Variants in DLG2 observed in about 807,000 individuals in gnomAD.
The protein encoded by DLG2 is disks large homolog 2.
Under a neutral mutation model 132.5 loss-of-function variants are expected in DLG2, and 45 were observed. The ratio of observed to expected loss-of-function variants is 0.34; its 90% CI spans 0.27 to 0.44. DLG2 has a LOEUF of 0.44. DLG2 is among the 20% of genes least tolerant of loss of function. The pLI is 1.00. For synonymous variants in DLG2, 424 were observed against 419.6 expected (o/e 1.01, Z -0.13); for missense variants, 1,045 against 1,196.9 (o/e 0.87, Z 1.87).
chr11:84,756,979 A>G (rs779999356), intron 6 of DLG2, among the ~76,000 whole-genome samples: 4 of 152,224 alleles, frequency 2.6e-5, no homozygotes, highest in Admixed American at 6.5e-5. Flanking sequence ...TACCAGAATC[A>G]TAATTCCTGG....
chr11:85,566,899 A>G (rs1168586635), intron 3 of DLG2, among the ~76,000 whole-genome samples: 1 of 152,128 alleles, frequency 6.6e-6, no homozygotes, highest in Non-Finnish European at 1.5e-5. Flanking sequence ...AGCTAGCTAT[A>G]TGTCCTGGTA....
intron 11 of DLG2, among the ~76,000 whole-genome samples, chr11:84,024,805 A>G (rs952814411): frequency 5.9e-5 from 9 of 151,282 alleles, no homozygotes; most frequent in Non-Finnish European, 1.2e-4. Flanking sequence ...CAGGGGGAAT[A>G]TATTTTTTCT....
At chr11:83,992,444 G>A (rs551260175) in intron 11 of DLG2, among the ~76,000 whole-genome samples, 8 of 152,204 alleles carry the variant, frequency 5.3e-5, no homozygotes, top group Non-Finnish European at 8.8e-5. Context: ...CTGAGACCTG[G>A]AAGATAACAA....
At chr11:84,053,084 TA>T (rs1323627452) in intron 11 of DLG2, among the ~76,000 whole-genome samples, 4 of 151,866 alleles carry the variant, frequency 2.6e-5, no homozygotes, top group African/African-American at 9.7e-5. Context: ...TATGCAGCCA[TA>T]AAAAAGGAAG....
intron 4 of DLG2, among the ~76,000 whole-genome samples, chr11:85,197,386 A>G (rs1259211059): frequency 6.6e-6 from 1 of 152,182 alleles, no homozygotes; most frequent in African/African-American, 2.4e-5. Flanking sequence ...AACTTTGCAT[A>G]AAATGTTAAA....
intron 18 of DLG2, among the ~76,000 whole-genome samples, chr11:83,742,313 G>C (rs72954550): frequency 0.22 from 33,232 of 148,476 alleles, 5,902 homozygotes; most frequent in African/African-American, 0.52. Context: ...CTATGTATAT[G>C]AAATATCAAA....
intron 7 of DLG2, among the ~76,000 whole-genome samples, chr11:84,301,454 G>A (rs553850199): frequency 7.5e-4 from 114 of 151,706 alleles, no homozygotes; most frequent in Non-Finnish European, 1.3e-3. Context: ...TCAGGAGATC[G>A]AGACCATCCT....
chr11:85,367,724 A>T (rs1470824188), intron 3 of DLG2, among the ~76,000 whole-genome samples: 1 of 152,172 alleles, frequency 6.6e-6, no homozygotes, highest in Non-Finnish European at 1.5e-5. Context: ...ATATACTTAA[A>T]GCACTTACAA....
At chr11:83,903,994 T>A (rs977406309) in intron 15 of DLG2, among the ~76,000 whole-genome samples, 1 of 152,192 alleles carries the variant, frequency 6.6e-6, no homozygotes, top group Admixed American at 6.5e-5. Context: ...TAACTAATAA[T>A]AAAATATAAC....
intron 19 of DLG2, among the ~76,000 whole-genome samples, chr11:83,603,192 G>A (rs1210041993): frequency 1.3e-5 from 2 of 151,970 alleles, no homozygotes; most frequent in African/African-American, 4.8e-5. Context: ...ATTATACACC[G>A]ATCACCACGA....
chr11:85,418,482 A>G (rs2090042179), intron 3 of DLG2, among the ~76,000 whole-genome samples: 1 of 152,160 alleles, frequency 6.6e-6, no homozygotes, highest in Non-Finnish European at 1.5e-5. Context: ...GCTGAGTTCA[A>G]GTCCTGAATA....
chr11:83,943,337 G>A (rs756296492), intron 14 of DLG2, among the ~76,000 whole-genome samples: 10 of 149,054 alleles, frequency 6.7e-5, no homozygotes, highest in Admixed American at 2.7e-4. Flanking sequence ...ATATGTATTG[G>A]GTACTTTTCA....
At chr11:83,633,672 G>A (rs1211338876) in intron 18 of DLG2, among the ~76,000 whole-genome samples, 1 of 150,612 alleles carries the variant, frequency 6.6e-6, no homozygotes, top group Non-Finnish European at 1.5e-5. Flanking sequence ...TTGTGGTGAT[G>A]GAAATGTTCT....
intron 4 of DLG2, among the ~76,000 whole-genome samples, chr11:85,156,066 G>C (rs1015667012): frequency 6.6e-6 from 1 of 152,016 alleles, no homozygotes; most frequent in Non-Finnish European, 1.5e-5. Context: ...TCCTTTTCAG[G>C]CAATAGCTAT....
At chr11:84,779,201 CACACACACACACATATATATGTATATAT>C (rs2071256238) in intron 6 of DLG2, among the ~76,000 whole-genome samples, 1 of 152,022 alleles carries the variant, frequency 6.6e-6, no homozygotes, top group Non-Finnish European at 1.5e-5. Flanking sequence ...TGCGCACACA[CACACACACACACATATATATGTATATAT>C]ACACACACAC....
chr11:85,463,857 G>C (rs962772988), intron 3 of DLG2, among the ~76,000 whole-genome samples: 2 of 151,818 alleles, frequency 1.3e-5, no homozygotes, highest in African/African-American at 2.4e-5. Flanking sequence ...TGTGACAAAG[G>C]AGAGCATTTA....
intron 6 of DLG2, among the ~76,000 whole-genome samples, chr11:85,067,020 T>G (rs1291450644): frequency 6.6e-6 from 1 of 151,734 alleles, no homozygotes; most frequent in African/African-American, 2.4e-5. Flanking sequence ...TGTGCCTATA[T>G]CTAGAAGACA....
chr11:85,073,561 C>A (rs1370688019), intron 6 of DLG2, among the ~76,000 whole-genome samples: 1 of 151,774 alleles, frequency 6.6e-6, no homozygotes, highest in African/African-American at 2.4e-5. Flanking sequence ...TGCTTTCAGC[C>A]TTTCACTAGT....
At chr11:85,049,722 C>T (rs2062708549) in intron 6 of DLG2, among the ~76,000 whole-genome samples, 3 of 152,026 alleles carry the variant, frequency 2.0e-5, no homozygotes, top group South Asian at 4.1e-4. Flanking sequence ...TTTACAAGAA[C>T]TATTACCATC....
Sources: allele counts gnomAD v4.1 joint callset (sites outside exome capture counted in the v4.1 genomes callset), GRCh38; gene constraint gnomAD v4.1.1; transcripts MANE v1.5; gene names NCBI Gene and HGNC (gene_info 2026-07-23, HGNC 2026-07-21).